MYO19: variants seen among roughly 807,000 people sequenced by gnomAD.
The protein encoded by MYO19 is myosin XIX.
A neutral mutation model predicts 129.2 loss-of-function variants in MYO19; 132 were observed. That is an observed-to-expected ratio of 1.02 (90% CI 0.89 to 1.18). MYO19 has a LOEUF of 1.18. Ranked by LOEUF, MYO19 falls within the 50% of genes most tolerant of loss-of-function variation. The pLI, the probability that MYO19 is intolerant of heterozygous loss-of-function variation, is 0.00. For missense variants in MYO19, 1,210 were observed against 1,216.7 expected (o/e 0.99, Z 0.08); for synonymous variants, 531 against 477.2 (o/e 1.11, Z -1.47).
At chr17:36,525,899 G>A (rs1281546551) in intron 5 of MYO19, among the ~76,000 whole-genome samples, 11 of 152,294 alleles carry the variant, frequency 7.2e-5, no homozygotes, top group East Asian at 3.9e-4. Flanking sequence ...AGGGGACTAC[G>A]ACTTGGCTTT....
Position 36,507,890 on chromosome 17 carries a change from A to T in MYO19, c.1266T>A (p.Pro422=), listed in dbSNP as rs1279724905. The T allele has an allele frequency of 2.5e-6, 4 of 1,612,336 alleles. No homozygotes were observed. Among genetic ancestry groups the T allele is most frequent in the Non-Finnish European group, 3.4e-6 (4 of 1,178,920 alleles). ...TGCACAACTGTTCCAGACTGTTGTC[A>T]GGAAATGATTCAAATCCATACACAT... ...LLDVYGFESF[P]DNSLEQLCIN... The change falls in exon 15 of 26, where the codon CCT becomes CCA. Residue 422 remains proline (P), a synonymous_variant. Transcript: ENST00000614623.
chr17:36,506,995 A>C lies in MYO19; in HGVS notation c.1612T>G (p.Tyr538Asp). 6.2e-7 allele frequency: 1 copy of C among 1,610,436 alleles called. No homozygotes were observed. Among genetic ancestry groups the C allele is most frequent in the Non-Finnish European group, 8.5e-7 (1 of 1,177,256 alleles). The change falls in exon 17 of 26, where the codon TAC (tyrosine) becomes GAC (aspartate). Residue 538 changes from tyrosine (Y) to aspartate (D), a missense_variant. Tyr to Asp is a radical substitution (Grantham distance 160). Coordinates refer to ENST00000614623, the MANE Select transcript of MYO19 (RefSeq NM_001163735.2). The stretch of plus-strand genomic sequence containing the variant: ...TTCTCCACCAGGCCTGCTGTGTGGT[A>C]CCGCACAGGCCCCGCATAATGCACC... Reference protein sequence around the residue: ...IVVHYAGPVRYHTAGLVEKNK... With the variant: ...IVVHYAGPVRDHTAGLVEKNK...
rs1457561981 is a variant in MYO19 at position 36,525,240 on chromosome 17, A to T, written c.402T>A (p.Ser134Arg). Residue 134 changes from serine to arginine, a missense_variant, in exon 6 of 26, where the codon AGT becomes AGA. Physicochemically the swap from Ser to Arg is moderately radical, Grantham distance 110. Coordinates refer to ENST00000614623, the MANE Select transcript of MYO19 (RefSeq NM_001163735.2). ...GACGTCTTCCTACCTTTCCAGCACC[A>T]CTCTCTCCACTGACAACAATAGACT... Reference protein sequence around the residue: ...VNQSIVVSGESGAGKTWTSRC... With the variant: ...VNQSIVVSGERGAGKTWTSRC... 1 of 1,612,742 alleles carries T rather than the reference A, an allele frequency of 6.2e-7. No individual in the cohort carries two copies. Among genetic ancestry groups the T allele is most frequent in the Middle Eastern group, 1.6e-4 (1 of 6,062 alleles).
chr17:36,513,660 G>A lies in MYO19; in HGVS notation c.786C>T (p.Ser262=). 2 of 1,613,798 alleles carry A rather than the reference G, an allele frequency of 1.2e-6. No individual in the cohort carries two copies. Among genetic ancestry groups the A allele is most frequent in the East Asian group, 2.2e-5 (1 of 44,874 alleles). ...QWHLPEGAAF[S]WLPNPERSLE... is the part of the protein sequence containing the mutation. ...AGCTCCTCTCTGGGTTGGGCAGCCA[G>A]GAGAAGGCAGCTCCCTCAGGAAGGT... is the stretch of plus-strand genomic sequence containing the variant. The change falls in exon 10 of 26, where the codon TCC becomes TCT. Residue 262 remains serine (S), a synonymous_variant. Coordinates refer to ENST00000614623, the MANE Select transcript of MYO19 (RefSeq NM_001163735.2).
chr17:36,525,183 C>A (rs2073385026), intron 6 of MYO19, 45 bp downstream of exon 6: 1 of 1,458,586 alleles, frequency 6.9e-7, no homozygotes, highest in African/African-American at 1.4e-5. Flanking sequence ...TCCCTGTCCA[C>A]CCAGCCAGTC....
chr17:36,505,387 A>G lies in MYO19; in HGVS notation c.1815T>C (p.Leu605=), dbSNP rs746690709. 14 of 1,614,148 alleles carry G rather than the reference A, an allele frequency of 8.7e-6. No individual in the cohort carries two copies. Among genetic ancestry groups the G allele is most frequent in the Non-Finnish European group, 1.2e-5 (14 of 1,179,996 alleles). ...VSKFKASLEQ[L]LQVLHSTTPH... is the part of the protein sequence containing the mutation. ...GCGTGGTGCTGTGTAGGACCTGCAG[A>G]AGCTGCTCCAGTGAGGCCTGCAGAT... Residue 605 remains leucine (L), a synonymous_variant, in exon 19 of 26, where the codon CTT becomes CTC. Transcript: ENST00000614623.
intron 6 of MYO19, among the ~76,000 whole-genome samples, chr17:36,519,023 A>C (rs1413052469): frequency 2.0e-5 from 3 of 152,084 alleles, no homozygotes; most frequent in Non-Finnish European, 4.4e-5. Flanking sequence ...CTGTGTGAGT[A>C]AACTGGGACT....
chr17:36,513,679 G>A lies in MYO19; in HGVS notation c.767C>T (p.Pro256Leu), dbSNP rs890592382. The A allele has an allele frequency of 1.2e-6, 2 of 1,613,874 alleles. No individual in the cohort carries two copies. Among genetic ancestry groups the A allele is most frequent in the African/African-American group, 1.3e-5 (1 of 74,944 alleles). Reference sequence around the variant, plus strand: ...CAGCCAGGAGAAGGCAGCTCCCTCAGGAAGGTGCCACTGGAGCCTCTCGTC... The same window carrying A: ...CAGCCAGGAGAAGGCAGCTCCCTCAAGAAGGTGCCACTGGAGCCTCTCGTC... The part of the protein sequence containing the change: ...SEDERLQWHL[P>L]EGAAFSWLPN... The change falls in exon 10 of 26, where the codon CCT becomes CTT. Residue 256 changes from proline to leucine, a missense_variant. Coordinates refer to ENST00000614623, the MANE Select transcript of MYO19 (RefSeq NM_001163735.2).
rs61738883 is a variant in MYO19 at position 36,528,185 on chromosome 17, C to T, written c.30G>A (p.Pro10=). MLQQVNGHN[P]GSDGQAREYL... is the part of the protein sequence containing the mutation. Reference sequence around the variant, plus strand: ...ACTCCCTGGCTTGGCCATCAGACCCCGGATTGTGGCCATTGACCTGGAAGA... The same window carrying T: ...ACTCCCTGGCTTGGCCATCAGACCCTGGATTGTGGCCATTGACCTGGAAGA... Residue 10 remains proline, a synonymous_variant, in exon 4 of 26, where the codon CCG becomes CCA. Coordinates refer to ENST00000614623, the MANE Select transcript of MYO19 (RefSeq NM_001163735.2). The T allele has an allele frequency of 3.0e-4, 484 of 1,589,120 alleles. 1 individual carries two copies. In the African/African-American group the frequency reaches 5.5e-3, roughly 18 times the overall value.
At chr17:36,516,238 T>C (rs1165829511) in intron 6 of MYO19, among the ~76,000 whole-genome samples, 1 of 127,864 alleles carries the variant, frequency 7.8e-6, no homozygotes, top group Non-Finnish European at 1.6e-5. Flanking sequence ...TCTGTGTATG[T>C]TTTTTTTGCA....
chr17:36,526,730 T>C (rs553626994), intron 5 of MYO19, among the ~76,000 whole-genome samples: 3 of 151,404 alleles, frequency 2.0e-5, no homozygotes, highest in East Asian at 2.0e-4. Context: ...CTACTAAAAA[T>C]ACAAAAATTA....
At chr17:36,543,723 C>CA (rs1286208589), upstream of MYO19, among the ~76,000 whole-genome samples, 4 of 152,154 alleles carry the variant, frequency 2.6e-5, no homozygotes, top group East Asian at 1.9e-4. Context: ...CTCCCGGGTT[C>CA]AAGTGATTGT....
At chr17:36,526,610 G>A (rs889104895) in intron 5 of MYO19, among the ~76,000 whole-genome samples, 9 of 152,138 alleles carry the variant, frequency 5.9e-5, no homozygotes, top group African/African-American at 2.2e-4. Flanking sequence ...AGTTTTGCTG[G>A]ACTCAGTGGC....
chr17:36,511,622 G>A (rs991322868), intron 11 of MYO19, among the ~76,000 whole-genome samples, 167 bp from the exon 12 acceptor site: 4 of 152,154 alleles, frequency 2.6e-5, no homozygotes, highest in African/African-American at 7.2e-5. Flanking sequence ...TACATGCATC[G>A]CCTCATTGCA....
rs754837267 is a variant in MYO19 at position 36,527,714 on chromosome 17, C to A, written c.152-15G>T. The A allele has an allele frequency of 1.1e-5, 17 of 1,602,278 alleles. No homozygotes were observed. In the South Asian group the frequency reaches 1.8e-4, roughly 17 times the overall value. ...GCACCTCAGGACTGAGGCAGAGATG[C>A]CTTTAGCAAACTCGGGCTCAAATAT... On this transcript the variant is annotated splice_polypyrimidine_tract_variant and intron_variant, in intron 4 of 25. Transcript: ENST00000614623.
chr17:36,511,562 C>T, intron 11 of MYO19, 107 bp from the exon 12 acceptor site: 3 of 957,220 alleles, frequency 3.1e-6, no homozygotes, highest in Non-Finnish European at 4.8e-6. Flanking sequence ...AGGGCAGCTC[C>T]CAATCATGGC....
intron 6 of MYO19, among the ~76,000 whole-genome samples, 153 bp from the exon 7 acceptor site, chr17:36,516,143 G>T (rs1273421122): frequency 6.6e-6 from 1 of 152,190 alleles, no homozygotes; most frequent in African/African-American, 2.4e-5. Flanking sequence ...CCTCAGGCAA[G>T]GCACTTCCTC....
In MYO19 at chr17:36,525,282, C is replaced by A. The variant is rs764845325; in HGVS notation, c.360G>T (p.Leu120=). ...GEQTYRNVKS[L]IEPVNQSIVV... is the part of the protein sequence containing the mutation. ...CAATAGACTGGTTGACTGGTTCAAT[C>A]AGGCTCTTGACATTCCTGTAGGTCT... The change falls in exon 6 of 26, where the codon CTG becomes CTT. Residue 120 remains leucine (L), a synonymous_variant. Transcript: ENST00000614623. The A allele has an allele frequency of 1.2e-5, 19 of 1,613,886 alleles. No individual in the cohort carries two copies. The highest frequency in any genetic ancestry group is 1.6e-4 in the Middle Eastern group (1 of 6,084).
intron 15 of MYO19, 108 bp downstream of exon 15, chr17:36,507,689 TAAAATA>T (rs1456153433): frequency 4.9e-5 from 66 of 1,340,474 alleles, no homozygotes; most frequent in Non-Finnish European, 6.4e-5. Flanking sequence ...CAATTAAAAA[TAAAATA>T]AGAAGGAACA....
Sources: allele counts gnomAD v4.1 joint callset (sites outside exome capture counted in the v4.1 genomes callset), GRCh38; gene constraint gnomAD v4.1.1; transcripts MANE v1.5; gene names NCBI Gene and HGNC (gene_info 2026-07-23, HGNC 2026-07-21).